EML1: variants seen among roughly 807,000 people sequenced by gnomAD.
EML1 encodes echinoderm microtubule-associated protein-like 1.
A neutral mutation model predicts 110.4 loss-of-function variants in EML1; 27 were observed. The observed-to-expected ratio is 0.24, with a 90% confidence interval of 0.18 to 0.34. The LOEUF is 0.34. Ranked by LOEUF, EML1 falls within the 10% of genes least tolerant of loss-of-function variation. The probability of loss-of-function intolerance (pLI) is 1.00; values close to 1 mark genes in which losing one functional copy is unlikely to be tolerated. For synonymous variants in EML1, 344 were observed against 385.8 expected (o/e 0.89, Z 1.27); for missense variants, 741 against 1,030.9 (o/e 0.72, Z 3.85).
intron 1 of EML1, among the ~76,000 whole-genome samples, chr14:99,833,717 G>C (rs1451375803): frequency 6.6e-6 from 1 of 152,140 alleles, no homozygotes; most frequent in Non-Finnish European, 1.5e-5. Context: ...TTGGTGTGCA[G>C]ATGTTGAACA....
intron 8 of EML1, among the ~76,000 whole-genome samples, chr14:99,900,145 A>G (rs2059736761): frequency 6.6e-6 from 1 of 151,060 alleles, no homozygotes; most frequent in African/African-American, 2.4e-5. Flanking sequence ...TTATTTGTAC[A>G]TAATTGATGC....
intron 1 of EML1, among the ~76,000 whole-genome samples, chr14:99,822,150 T>C (rs949706130): frequency 6.6e-6 from 1 of 152,232 alleles, no homozygotes; most frequent in African/African-American, 2.4e-5. Flanking sequence ...AGAGGGCAGG[T>C]TGCATGTATC....
chr14:99,879,709 T>C (rs910530366), intron 4 of EML1, among the ~76,000 whole-genome samples: 2 of 152,224 alleles, frequency 1.3e-5, no homozygotes, highest in Admixed American at 6.5e-5. Flanking sequence ...TTTAGACTAT[T>C]AGTACTTCTT....
upstream of EML1, among the ~76,000 whole-genome samples, chr14:99,790,627 TAG>T: frequency 6.6e-6 from 1 of 152,254 alleles, no homozygotes; most frequent in East Asian, 1.9e-4. Context: ...CAAAGTGGAA[TAG>T]AGAGAGCATG....
rs144468627 is a variant in EML1, at chr14:99,829,361, T to G, written c.68-21492T>G. On this transcript the variant is annotated intron_variant, in intron 1 of 21. Transcript: ENST00000262233. ...CCACAAAGTCTCTGGCCCAGAAGGT[T>G]CTCTTCATTATTGCTTTTTGAGTGA... Among the ~76,000 whole-genome samples the G allele has an allele frequency of 4.6e-3, 704 of 152,262 alleles. 6 individuals are homozygous for G. Among genetic ancestry groups the G allele is most frequent in the African/African-American group, 0.016 (670 of 41,528 alleles).
intron 13 of EML1, among the ~76,000 whole-genome samples, chr14:99,913,709 G>A (rs1431072169): frequency 6.6e-6 from 1 of 151,636 alleles, no homozygotes; most frequent in East Asian, 2.0e-4. Flanking sequence ...GTTTTTTTGA[G>A]ATGGAGTTTC....
intron 5 of EML1, chr14:99,892,279 G>A: frequency 1.2e-6 from 1 of 838,272 alleles, no homozygotes; most frequent in Non-Finnish European, 1.4e-6. Flanking sequence ...CAGGCAAACA[G>A]ATGCTCTCCT....
chr14:99,745,368 A>G (rs2057096333), intron 1 of EML1, among the ~76,000 whole-genome samples: 1 of 152,156 alleles, frequency 6.6e-6, no homozygotes, highest in Non-Finnish European at 1.5e-5. Context: ...CCGGCCCCAA[A>G]TGACTTTTAA....
chr14:99,898,999 T>G (rs1441694371), intron 8 of EML1, among the ~76,000 whole-genome samples: 1 of 152,182 alleles, frequency 6.6e-6, no homozygotes, highest in Non-Finnish European at 1.5e-5. Flanking sequence ...GAATGTCGTT[T>G]AACAGTCGTG....
chr14:99,882,139 A>C (rs570477555), intron 4 of EML1, among the ~76,000 whole-genome samples: 8 of 152,364 alleles, frequency 5.3e-5, no homozygotes, highest in African/African-American at 1.9e-4. Context: ...TGTATTATTG[A>C]TGATAAATGA....
intron 1 of EML1, among the ~76,000 whole-genome samples, 195 bp downstream of exon 1, chr14:99,793,738 C>T (rs1345267102): frequency 2.0e-5 from 3 of 146,720 alleles, no homozygotes; most frequent in Non-Finnish European, 4.5e-5. Flanking sequence ...CCGCGCCTCG[C>T]TCCGGGCCGC....
chr14:99,829,563 C>G (rs1222670533), intron 1 of EML1, among the ~76,000 whole-genome samples: 1 of 152,142 alleles, frequency 6.6e-6, no homozygotes, highest in Non-Finnish European at 1.5e-5. Context: ...CATCACCACT[C>G]TCTACTTCAA....
chr14:99,786,019 C>T (rs2057595037), intron 1 of EML1, among the ~76,000 whole-genome samples: 1 of 140,202 alleles, frequency 7.1e-6, no homozygotes, highest in African/African-American at 2.7e-5. Flanking sequence ...GGCTAGTTCA[C>T]GGAAGTTCAA....
chr14:99,897,082 A>G, intron 6 of EML1, 63 bp from the exon 7 acceptor site: 5 of 1,410,458 alleles, frequency 3.5e-6, no homozygotes, highest in Non-Finnish European at 3.8e-6. Flanking sequence ...GTGCCTGTTG[A>G]ATAAAGCTGA....
chr14:99,932,355 G>A (rs927083322), intron 17 of EML1, among the ~76,000 whole-genome samples: 3 of 152,170 alleles, frequency 2.0e-5, no homozygotes, highest in Non-Finnish European at 2.9e-5. Context: ...ACAGATATGG[G>A]GGCCGGGCGC....
chr14:99,907,849 G>A lies in EML1; in HGVS notation c.1104+116G>A, dbSNP rs545592086. On this transcript the variant is annotated intron_variant, in intron 10 of 21. Coordinates refer to ENST00000262233, the MANE Select transcript of EML1 (RefSeq NM_004434.3). ...TCCCACCCCAGCCCTTGTGTATGACGCCTTCACCTTAGAATCGTTTGGCCC... is the reference window on the plus strand; with the variant it reads ...TCCCACCCCAGCCCTTGTGTATGACACCTTCACCTTAGAATCGTTTGGCCC... 52 of 872,688 alleles carry A rather than the reference G, an allele frequency of 6.0e-5. 1 individual carries two copies. Among genetic ancestry groups the A allele is most frequent in the East Asian group, 4.9e-4 (19 of 39,012 alleles). 54.1% of individuals were successfully genotyped at this position (872,688 alleles called of 1,614,324 possible).
intron 4 of EML1, among the ~76,000 whole-genome samples, chr14:99,889,942 A>G (rs1159906407): frequency 4.6e-5 from 7 of 152,232 alleles, no homozygotes; most frequent in Non-Finnish European, 8.8e-5. Flanking sequence ...GCATCAGGAA[A>G]GTAGTAGGCT....
chr14:99,925,622 G>C (rs151076812), intron 17 of EML1, among the ~76,000 whole-genome samples: 5 of 152,182 alleles, frequency 3.3e-5, no homozygotes. Context: ...AGCCAGTAAG[G>C]CTCCGTCCTC....
chr14:99,782,032 C>T (rs2057545256), intron 1 of EML1, among the ~76,000 whole-genome samples: 1 of 152,218 alleles, frequency 6.6e-6, no homozygotes, highest in Admixed American at 6.5e-5. Context: ...TCTGCACCTA[C>T]AGCAGGAGGC....
Sources: gnomAD v4.1 joint callset for allele counts (sites outside exome capture counted in the v4.1 genomes callset) on GRCh38, gnomAD v4.1.1 for gene constraint, MANE v1.5 for transcripts, NCBI Gene and HGNC (gene_info 2026-07-23, HGNC 2026-07-21) for gene names.